Variants in PTPRJ observed in about 807,000 individuals in gnomAD.
PTPRJ encodes protein tyrosine phosphatase receptor type J, also known as receptor-type tyrosine-protein phosphatase eta.
Under a neutral mutation model 141.3 loss-of-function variants are expected in PTPRJ, and 129 were observed. That is an observed-to-expected ratio of 0.91 (90% CI 0.79 to 1.06). The LOEUF is 1.06. PTPRJ is among the 50% of genes least tolerant of loss of function. PTPRJ has a pLI of 0.00. For missense variants in PTPRJ, 1,601 were observed against 1,679.7 expected, an observed-to-expected ratio of 0.95 and a Z score of 0.82; for synonymous variants, 610 against 640.5, an observed-to-expected ratio of 0.95 and a Z score of 0.72.
chr11:48,165,220 T>C (rs1293250084), intron 24 of PTPRJ, among the ~76,000 whole-genome samples: 1 of 152,232 alleles, frequency 6.6e-6, no homozygotes. Flanking sequence ...TGAAACAAAC[T>C]CATCAAACAT....
chr11:48,065,189 T>A (rs1855052616), intron 1 of PTPRJ, among the ~76,000 whole-genome samples: 1 of 151,582 alleles, frequency 6.6e-6, no homozygotes, highest in African/African-American at 2.4e-5. Context: ...TAATTTTGTA[T>A]TTTTAGTGGA....
intron 3 of PTPRJ, among the ~76,000 whole-genome samples, chr11:48,117,165 G>C (rs191837589): frequency 6.6e-6 from 1 of 152,264 alleles, no homozygotes; most frequent in Admixed American, 6.5e-5. Context: ...AAATGAAAAT[G>C]GAAACACAAT....
At chr11:48,000,869 C>T (rs896729760) in intron 1 of PTPRJ, among the ~76,000 whole-genome samples, 1 of 151,920 alleles carries the variant, frequency 6.6e-6, no homozygotes, top group Non-Finnish European at 1.5e-5. Flanking sequence ...TAGGACAGAG[C>T]GTGCCTCAAA....
intron 1 of PTPRJ, among the ~76,000 whole-genome samples, chr11:48,020,792 A>G (rs1855096763): frequency 6.6e-6 from 1 of 152,042 alleles, no homozygotes. Flanking sequence ...CCACGTTTGG[A>G]TGGGCAAATG....
intron 1 of PTPRJ, among the ~76,000 whole-genome samples, chr11:48,007,380 A>G (rs1385913233): frequency 6.6e-6 from 1 of 150,768 alleles, no homozygotes; most frequent in Admixed American, 6.6e-5. Flanking sequence ...AAGTGCTGGG[A>G]TTACAGGCAT....
intron 1 of PTPRJ, among the ~76,000 whole-genome samples, chr11:48,022,448 G>A (rs1285037126): frequency 6.6e-6 from 1 of 150,940 alleles, no homozygotes; most frequent in Non-Finnish European, 1.5e-5. Flanking sequence ...TGAGTAACAC[G>A]AGCAAAACTC....
intron 1 of PTPRJ, among the ~76,000 whole-genome samples, chr11:47,988,391 T>C (rs1463408162): frequency 1.3e-5 from 2 of 151,914 alleles, no homozygotes; most frequent in African/African-American, 2.4e-5. Context: ...CAGCGTGGAG[T>C]GCAGTGGCAT....
At chr11:48,035,948 G>T (rs1854114381) in intron 1 of PTPRJ, among the ~76,000 whole-genome samples, 1 of 152,170 alleles carries the variant, frequency 6.6e-6, no homozygotes, top group African/African-American at 2.4e-5. Flanking sequence ...TTCTCCATGA[G>T]TTACTACCCC....
intron 1 of PTPRJ, among the ~76,000 whole-genome samples, chr11:48,100,514 T>A (rs192889948): frequency 3.7e-4 from 56 of 152,340 alleles, no homozygotes; most frequent in Admixed American, 2.3e-3. Context: ...AAAAGACTAT[T>A]TTTAGAGCAG....
At chr11:47,997,098 G>C (rs1464830111) in intron 1 of PTPRJ, among the ~76,000 whole-genome samples, 1 of 152,202 alleles carries the variant, frequency 6.6e-6, no homozygotes, top group African/African-American at 2.4e-5. Flanking sequence ...GACATTTTGG[G>C]CTGGATAACT....
intron 1 of PTPRJ, among the ~76,000 whole-genome samples, chr11:48,056,998 CT>C: frequency 6.6e-6 from 1 of 152,190 alleles, no homozygotes; most frequent in African/African-American, 2.4e-5. Context: ...GGTTAAGTAA[CT>C]TGCCCAAGGT....
rs1016623031 is a variant in PTPRJ, at chr11:48,010,334, C to T, written c.96+29326C>T. ...CTGGGATTACAGGCGGGTGCCACCACGCCCGGCTTATTTTTTATATTTTTA... is the reference window on the plus strand; with the variant it reads ...CTGGGATTACAGGCGGGTGCCACCATGCCCGGCTTATTTTTTATATTTTTA... On this transcript the variant is annotated intron_variant, in intron 1 of 24. Transcript: ENST00000418331. Among the ~76,000 whole-genome samples the T allele has an allele frequency of 4.6e-5, 7 of 151,956 alleles. No individual in the cohort carries two copies. In the South Asian group the frequency reaches 6.2e-4, roughly 14 times the overall value.
chr11:48,047,498 A>ATTTTTTTTTTTTT (rs58387057), intron 1 of PTPRJ, among the ~76,000 whole-genome samples: 1 of 146,616 alleles, frequency 6.8e-6, no homozygotes, highest in Non-Finnish European at 1.5e-5. Flanking sequence ...ACCTATGGTA[A>ATTTTTTTTTTTTT]TTTTTTTTTT....
intron 1 of PTPRJ, among the ~76,000 whole-genome samples, chr11:48,026,767 G>T (rs1293023921): frequency 6.6e-6 from 1 of 151,638 alleles, no homozygotes; most frequent in South Asian, 2.1e-4. Flanking sequence ...TTCTTTAGTG[G>T]TGATTTGTGA....
intron 1 of PTPRJ, among the ~76,000 whole-genome samples, chr11:48,089,377 A>G (rs1374570747): frequency 2.0e-5 from 3 of 152,118 alleles, no homozygotes; most frequent in African/African-American, 7.2e-5. Context: ...CTATCCAGGC[A>G]TAATGGTGCA....
intron 15 of PTPRJ, among the ~76,000 whole-genome samples, chr11:48,147,623 T>C (rs1300729819): frequency 1.3e-5 from 2 of 152,160 alleles, no homozygotes; most frequent in African/African-American, 4.8e-5. Context: ...AGTGTGGAAA[T>C]AGAACTTGAA....
Position 48,130,690 on chromosome 11 carries a change from C to T in PTPRJ, c.1589C>T (p.Ala530Val), listed in dbSNP as rs1376684860. 1 of 1,612,818 alleles carries T rather than the reference C, an allele frequency of 6.2e-7. No individual in the cohort carries two copies. ...AAAGGACCAAATGGGACTGAAGGGG[C>T]ATCTCGGACAGTTTGCAATAGAACT... ...VPKGPNGTEG[A>V]SRTVCNRTVP... The change falls in exon 8 of 25, where the codon GCA (alanine) becomes GTA (valine). Residue 530 changes from alanine (A) to valine (V), a missense_variant. Coordinates refer to ENST00000418331, the MANE Select transcript of PTPRJ (RefSeq NM_002843.4).
At chr11:48,131,550 C>T (rs767577519) in intron 8 of PTPRJ, 1 of 774,860 alleles carries the variant, frequency 1.3e-6, no homozygotes, top group Non-Finnish European at 2.4e-6. Flanking sequence ...TCATCTGAAA[C>T]AGAGTTGGCA....
At chr11:48,053,241 TA>T (rs902111308) in intron 1 of PTPRJ, among the ~76,000 whole-genome samples, 55 of 87,090 alleles carry the variant, frequency 6.3e-4, no homozygotes, top group Admixed American at 1.4e-3. Context: ...ATATATAATA[TA>T]TTTATATAAT....
Sources: gnomAD v4.1 joint callset for allele counts (sites outside exome capture counted in the v4.1 genomes callset) on GRCh38, gnomAD v4.1.1 for gene constraint, MANE v1.5 for transcripts, NCBI Gene and HGNC (gene_info 2026-07-23, HGNC 2026-07-21) for gene names.